CCDC7: variants seen among roughly 807,000 people sequenced by gnomAD.
The protein encoded by CCDC7 is coiled-coil domain containing 7, also known as coiled-coil domain-containing protein 7.
CCDC7 carries 183 observed loss-of-function variants against 196.9 expected under a neutral mutation model. The observed-to-expected ratio is 0.93, with a 90% CI of 0.82 to 1.05. The LOEUF is 1.05. CCDC7 is among the 50% of genes least tolerant of loss of function. CCDC7 has a pLI of 0.00. For missense variants in CCDC7, 1,540 were observed against 1,482.2 expected (o/e 1.04, Z -0.64); for synonymous variants, 525 against 484.6 (o/e 1.08, Z -1.10).
At chr10:32,695,077 G>C in intron 24 of CCDC7, 85 bp downstream of exon 25, 1 of 592,200 alleles carries the variant, frequency 1.7e-6, no homozygotes, top group Admixed American at 3.6e-5. Context: ...CTATGTAGTT[G>C]AGCATATAGT....
intron 21 of CCDC7, among the ~76,000 whole-genome samples, chr10:32,664,678 CT>C (rs2072259969): frequency 2.0e-5 from 3 of 151,894 alleles, no homozygotes; most frequent in Non-Finnish European, 2.9e-5. Flanking sequence ...AATTTACTTC[CT>C]TTTTTTAAGG....
At chr10:32,464,289 C>T (rs1360587495) in intron 5 of CCDC7, among the ~76,000 whole-genome samples, 1 of 152,184 alleles carries the variant, frequency 6.6e-6, no homozygotes, top group Non-Finnish European at 1.5e-5. Flanking sequence ...AAATACTGCT[C>T]TGGCCACCAA....
At chr10:32,555,597 G>T (rs780443899) in intron 13 of CCDC7, among the ~76,000 whole-genome samples, 1 of 152,110 alleles carries the variant, frequency 6.6e-6, no homozygotes, top group Non-Finnish European at 1.5e-5. Context: ...CATAAGGCCA[G>T]TCCATATTCA....
Position 32,453,576 on chromosome 10 carries a change from C to G in CCDC7, c.372+140C>G, listed in dbSNP as rs866082675. The G allele has an allele frequency of 1.1e-4, 71 of 626,546 alleles. No homozygotes were observed. The African/African-American group carries it at 1.1e-3, about 10-fold the overall frequency. 38.8% of individuals were successfully genotyped at this position (626,546 alleles called of 1,614,324 possible). On this transcript the variant is annotated intron_variant, in intron 2 of 41. Coordinates refer to ENST00000639629, the Ensembl canonical transcript of CCDC7. The stretch of plus-strand genomic sequence containing the variant: ...GAATTTCCCATCCATGAAAATGATC[C>G]TCTTAGAAAATTACTCAACCCAACC...
At chr10:32,619,139 A>C (rs2063099863) in intron 18 of CCDC7, among the ~76,000 whole-genome samples, 1 of 152,024 alleles carries the variant, frequency 6.6e-6, no homozygotes, top group African/African-American at 2.4e-5. Flanking sequence ...TTTAGTAAAG[A>C]CAGTAATCTT....
At chr10:32,619,872 T>C (rs529693521) in intron 18 of CCDC7, among the ~76,000 whole-genome samples, 2 of 148,888 alleles carry the variant, frequency 1.3e-5, no homozygotes, top group African/African-American at 5.0e-5. Context: ...GTGCTGATAT[T>C]ACAGGCATGA....
At chr10:32,710,842 G>C (rs1380090319) in intron 24 of CCDC7, among the ~76,000 whole-genome samples, 1 of 152,188 alleles carries the variant, frequency 6.6e-6, no homozygotes, top group Non-Finnish European at 1.5e-5. Flanking sequence ...GGTCAATTAA[G>C]ATAGCAAGCG....
At chr10:32,446,230 C>G (rs528179817) in exon 1 of CCDC7, 2 of 152,184 alleles carry the variant, frequency 1.3e-5, no homozygotes, top group South Asian at 2.1e-4. Flanking sequence ...TCAGCACAAA[C>G]GTCAGTTTGT....
chr10:32,530,133 C>T (rs542193351), intron 11 of CCDC7, among the ~76,000 whole-genome samples: 4 of 152,204 alleles, frequency 2.6e-5, no homozygotes, highest in South Asian at 2.1e-4. Context: ...GGTCTATATG[C>T]CTGTTTTTAT....
At chr10:32,571,770 A>G in intron 15 of CCDC7, 89 bp from the exon 17 acceptor site, 1 of 1,236,378 alleles carries the variant, frequency 8.1e-7, no homozygotes, top group Non-Finnish European at 1.1e-6. Flanking sequence ...CATATTAAAA[A>G]ACTACCTTAA....
chr10:32,791,055 A>G (rs1397527393), intron 29 of CCDC7, among the ~76,000 whole-genome samples: 2 of 152,154 alleles, frequency 1.3e-5, no homozygotes, highest in African/African-American at 4.8e-5. Context: ...TGAGAACCCT[A>G]ACAGCTACAC....
At chr10:32,646,609 G>T (rs544645559) in intron 20 of CCDC7, among the ~76,000 whole-genome samples, 3 of 152,026 alleles carry the variant, frequency 2.0e-5, no homozygotes, top group African/African-American at 7.3e-5. Flanking sequence ...TCAGATAAAG[G>T]TGTGGGGGGT....
intron 28 of CCDC7, among the ~76,000 whole-genome samples, chr10:32,735,115 A>T (rs1326062415): frequency 6.6e-6 from 1 of 152,172 alleles, no homozygotes; most frequent in Non-Finnish European, 1.5e-5. Flanking sequence ...AAACCACAAA[A>T]AGAGTCCAAC....
chr10:32,757,570 A>T (rs1472624868), intron 28 of CCDC7, among the ~76,000 whole-genome samples: 1 of 152,276 alleles, frequency 6.6e-6, no homozygotes, highest in African/African-American at 2.4e-5. Context: ...CAAAGATACA[A>T]CATACCAGAA....
At chr10:32,635,210 G>A (rs375824640) in intron 20 of CCDC7, 52 bp downstream of exon 21, 4 of 395,406 alleles carry the variant, frequency 1.0e-5, no homozygotes, top group African/African-American at 6.2e-5. Flanking sequence ...ATATTAAACA[G>A]CTTTTTTTAT....
At chr10:32,773,216 C>A (rs976295422) in intron 28 of CCDC7, among the ~76,000 whole-genome samples, 1 of 152,144 alleles carries the variant, frequency 6.6e-6, no homozygotes, top group Non-Finnish European at 1.5e-5. Flanking sequence ...TTTCTGTCAC[C>A]ATGTTTGGGA....
intron 28 of CCDC7, among the ~76,000 whole-genome samples, chr10:32,747,239 T>C (rs1028790384): frequency 6.6e-6 from 1 of 152,134 alleles, no homozygotes; most frequent in African/African-American, 2.4e-5. Context: ...AAGACTTAAA[T>C]GTAAAACCTA....
intron 31 of CCDC7, among the ~76,000 whole-genome samples, chr10:32,823,695 T>C (rs75908733): frequency 0.046 from 6,941 of 152,310 alleles, 534 homozygotes; most frequent in African/African-American, 0.16. Context: ...CCAGTTCTAA[T>C]TATCTGTTTT....
intron 20 of CCDC7, among the ~76,000 whole-genome samples, chr10:32,637,633 C>T (rs1320888734): frequency 4.6e-5 from 7 of 152,110 alleles, no homozygotes; most frequent in African/African-American, 1.7e-4. Flanking sequence ...GTTACTGTAG[C>T]CTTGTAGTAT....
Sources: allele counts gnomAD v4.1 joint callset (sites outside exome capture counted in the v4.1 genomes callset), GRCh38; gene constraint gnomAD v4.1.1; transcripts MANE v1.5; gene names NCBI Gene and HGNC (gene_info 2026-07-23, HGNC 2026-07-21).